Variants in TUSC3 observed in about 807,000 individuals in gnomAD.
TUSC3 encodes dolichyl-diphosphooligosaccharide--protein glycosyltransferase subunit TUSC3.
In TUSC3, 45 loss-of-function variants were observed where a neutral mutation model predicts 44.8. The observed-to-expected ratio is 1.00, with a 90% CI of 0.79 to 1.29. TUSC3 has a LOEUF of 1.29. TUSC3 is among the 50% of genes most tolerant of loss of function. The probability of loss-of-function intolerance (pLI) is 0.00; values close to 1 mark genes in which losing one functional copy is unlikely to be tolerated. For synonymous variants in TUSC3, 212 were observed against 152.9 expected (o/e 1.39, Z -2.85); for missense variants, 519 against 437.9 (o/e 1.19, Z -1.65).
At chr8:15,823,869 C>T in the TUSC3 span, among the ~76,000 whole-genome samples, 1 of 152,180 alleles carries the variant, frequency 6.6e-6, no homozygotes, top group Non-Finnish European at 1.5e-5. Context: ...CTACAAATCT[C>T]TTCCGTAAAG....
In TUSC3 at chr8:15,554,046, G is replaced by T. The variant is rs987443416; in HGVS notation, c.138+13478G>T. 6.6e-5 allele frequency among the ~76,000 whole-genome samples: 10 copies of T among 151,524 alleles called. 1 individual carries two copies. The highest frequency in any genetic ancestry group is 2.4e-4 in the African/African-American group (10 of 41,366). ...GAAGTCCAAGATCAAGGTGACCTCA[G>T]ATCCGTGTCTGGTGAGGCCCACTTT... On this transcript the variant is annotated intron_variant, in intron 1 of 10. Coordinates refer to ENST00000503731, the MANE Select transcript of TUSC3 (RefSeq NM_006765.4).
chr8:15,846,888 A>C, the TUSC3 span, among the ~76,000 whole-genome samples: 6 of 151,748 alleles, frequency 4.0e-5, no homozygotes, highest in East Asian at 1.9e-4. Context: ...AAAAAAAAAA[A>C]AACACACACA....
chr8:15,534,688 G>C (rs998773289), intron 2 of TUSC3, among the ~76,000 whole-genome samples: 1 of 151,290 alleles, frequency 6.6e-6, no homozygotes, highest in Non-Finnish European at 1.5e-5. Flanking sequence ...ATTTAAAGGA[G>C]TTTAATTGAG....
At chr8:15,850,024 C>G in the TUSC3 span, among the ~76,000 whole-genome samples, 2 of 151,926 alleles carry the variant, frequency 1.3e-5, no homozygotes, top group Non-Finnish European at 2.9e-5. Flanking sequence ...TCCTCTGTCT[C>G]CTCGGGGGCC....
At chr8:15,774,311 G>A in the TUSC3 span, among the ~76,000 whole-genome samples, 1 of 152,122 alleles carries the variant, frequency 6.6e-6, no homozygotes, top group African/African-American at 2.4e-5. Context: ...TAGAGTCACT[G>A]CAAATGTAAT....
chr8:15,619,714 G>A (rs548138115), intron 1 of TUSC3, among the ~76,000 whole-genome samples: 83 of 152,202 alleles, frequency 5.5e-4, no homozygotes, highest in African/African-American at 2.0e-3. Context: ...GTTCCACTGT[G>A]TTAGCCAGGA....
chr8:15,826,688 G>A, the TUSC3 span, among the ~76,000 whole-genome samples: 1 of 152,132 alleles, frequency 6.6e-6, no homozygotes, highest in East Asian at 1.9e-4. Flanking sequence ...TCACATAGGA[G>A]TCAGCCACCA....
chr8:15,794,237 A>C, the TUSC3 span, among the ~76,000 whole-genome samples: 1 of 152,098 alleles, frequency 6.6e-6, no homozygotes, highest in Admixed American at 6.5e-5. Context: ...ACTCTGACTC[A>C]TCCCGTTTTT....
At position 15,657,170 on chromosome 8, in the gene TUSC3, C is replaced by T. The variant is rs1807212638; in HGVS notation, c.427-2337C>T. On this transcript the variant is annotated intron_variant, in intron 3 of 10. Transcript: ENST00000503731. The stretch of plus-strand genomic sequence containing the variant: ...ATCTCCTTATAAATAGTCCTTAGGC[C>T]ACATTCTTCATATTCTCTCCTGAAC... Among the ~76,000 whole-genome samples the T allele has an allele frequency of 2.0e-5, 3 of 152,152 alleles. No homozygotes were observed. The South Asian group carries it at 6.2e-4, about 32-fold the overall frequency.
At chr8:15,810,144 G>A in the TUSC3 span, among the ~76,000 whole-genome samples, 2 of 152,070 alleles carry the variant, frequency 1.3e-5, no homozygotes, top group African/African-American at 4.8e-5. Flanking sequence ...CAGACTTGGG[G>A]GAAACGTAAA....
intron 2 of TUSC3, among the ~76,000 whole-genome samples, chr8:15,627,795 G>A (rs1055460446): frequency 6.6e-6 from 1 of 152,228 alleles, no homozygotes; most frequent in African/African-American, 2.4e-5. Context: ...GTGTGCAGTG[G>A]CCAGACCCCA....
intron 1 of TUSC3, among the ~76,000 whole-genome samples, chr8:15,459,674 G>A (rs77338159): frequency 0.018 from 2,715 of 151,962 alleles, 82 homozygotes; most frequent in African/African-American, 0.062. Flanking sequence ...TATGTCTTTG[G>A]TGTCCTCATA....
chr8:15,487,442 C>T (rs1044431868), intron 2 of TUSC3, among the ~76,000 whole-genome samples: 1 of 152,186 alleles, frequency 6.6e-6, no homozygotes, highest in Non-Finnish European at 1.5e-5. Context: ...CAGTCACTGA[C>T]AGTGGCCAAA....
At chr8:15,502,138 G>C (rs921021983) in intron 2 of TUSC3, among the ~76,000 whole-genome samples, 1 of 152,056 alleles carries the variant, frequency 6.6e-6, no homozygotes, top group Non-Finnish European at 1.5e-5. Context: ...AAATTGTGTT[G>C]ACAGTGTAAA....
intron 1 of TUSC3, among the ~76,000 whole-genome samples, chr8:15,553,475 A>G (rs1802127322): frequency 5.9e-5 from 6 of 100,952 alleles, no homozygotes; most frequent in Admixed American, 4.9e-4. Context: ...CAACAGTGAT[A>G]AGTTTGGACT....
At chr8:15,531,529 G>A (rs1026242800) in intron 2 of TUSC3, among the ~76,000 whole-genome samples, 42 of 152,236 alleles carry the variant, frequency 2.8e-4, no homozygotes, top group Non-Finnish European at 6.0e-4. Flanking sequence ...TGGGATTACA[G>A]GCGTGAGCCT....
At chr8:15,440,440 C>T (rs906161399) in intron 1 of TUSC3, among the ~76,000 whole-genome samples, 2 of 152,018 alleles carry the variant, frequency 1.3e-5, no homozygotes, top group South Asian at 2.1e-4. Context: ...CAATGGGAAA[C>T]GATTGAAGGA....
chr8:15,508,422 A>C (rs944842774), intron 2 of TUSC3, among the ~76,000 whole-genome samples: 1 of 147,842 alleles, frequency 6.8e-6, no homozygotes, highest in African/African-American at 2.5e-5. Context: ...ATAAATGTCT[A>C]GGTAACTTTG....
chr8:15,504,924 T>A (rs533761832), intron 2 of TUSC3, among the ~76,000 whole-genome samples: 11 of 151,984 alleles, frequency 7.2e-5, no homozygotes, highest in Non-Finnish European at 2.9e-5. Flanking sequence ...AGTGCCGGGA[T>A]TACAGGCAAT....
Sources: gnomAD v4.1 joint callset for allele counts (sites outside exome capture counted in the v4.1 genomes callset) on GRCh38, gnomAD v4.1.1 for gene constraint, MANE v1.5 for transcripts, NCBI Gene and HGNC (gene_info 2026-07-23, HGNC 2026-07-21) for gene names.